TRIM2: variants seen among roughly 807,000 people sequenced by gnomAD.
TRIM2 encodes tripartite motif containing 2, also known as tripartite motif-containing protein 2.
Under a neutral mutation model 75.2 loss-of-function variants are expected in TRIM2, and 20 were observed. The ratio of observed to expected loss-of-function variants is 0.27; its 90% CI spans 0.19 to 0.39. The LOEUF is 0.39. Ranked by LOEUF, TRIM2 falls within the 10% of genes least tolerant of loss-of-function variation. TRIM2 has a pLI of 1.00. For missense variants in TRIM2, 660 were observed against 990.8 expected, an observed-to-expected ratio of 0.67 and a Z score of 4.48; for synonymous variants, 373 against 388.3, an observed-to-expected ratio of 0.96 and a Z score of 0.46.
rs746564907 is a variant in TRIM2, at chr4:153,296,017, C to T, written c.1491C>T (p.Asp497=). Residue 497 remains aspartate (D), a synonymous_variant, in exon 6 of 12, where the codon GAC becomes GAT. Coordinates refer to ENST00000338700, the MANE Select transcript of TRIM2 (RefSeq NM_015271.5). ...TGKRKENPIE[D]DLIFRVGTKG... ...AACGAAAAGAGAATCCCATCGAAGA[C>T]GATTTGATCTTTCGAGTGGGTAAGG... is the stretch of plus-strand genomic sequence containing the variant. The T allele has an allele frequency of 8.5e-6, 13 of 1,522,814 alleles. No homozygotes were observed. The highest frequency in any genetic ancestry group is 2.3e-5 in the East Asian group (1 of 44,158). The allele number at this position is 1,522,814 out of a possible 1,614,324, so 94.3% of individuals were successfully genotyped here.
At chr4:153,194,554 G>A (rs1268792724) in intron 1 of TRIM2, among the ~76,000 whole-genome samples, 1 of 152,156 alleles carries the variant, frequency 6.6e-6, no homozygotes. Context: ...CAGAAAACGG[G>A]TCAGTGGATG....
intron 11 of TRIM2, among the ~76,000 whole-genome samples, chr4:153,329,596 G>A (rs1046650458): frequency 6.6e-6 from 1 of 151,770 alleles, no homozygotes; most frequent in Non-Finnish European, 1.5e-5. Context: ...AGCACTTTGG[G>A]AGGCCAAGGC....
intron 8 of TRIM2, among the ~76,000 whole-genome samples, chr4:153,319,737 A>AT (rs1162299901): frequency 3.3e-5 from 5 of 151,828 alleles, no homozygotes; most frequent in African/African-American, 4.8e-5. Flanking sequence ...TCTCAAAAAA[A>AT]AAATATATAT....
At position 153,295,692 on chromosome 4, in the gene TRIM2, A is replaced by G. The variant is rs1393756687; in HGVS notation, c.1166A>G (p.Asn389Ser). The G allele has an allele frequency of 5.0e-6, 8 of 1,613,934 alleles. No homozygotes were observed. The highest frequency in any genetic ancestry group is 1.7e-5 in the Admixed American group (1 of 59,990). The change falls in exon 6 of 12, where the codon AAC (asparagine) becomes AGC (serine). Residue 389 changes from asparagine (N) to serine (S), a missense_variant. Transcript: ENST00000338700. This position sits in a 1 kb window ranked among gnomAD's most constrained non-coding sequence, Gnocchi z 7.2. ...DKDGELCKTG[N>S]AYLTAELSTP... Reference sequence around the variant, plus strand: ...GACGGTGAGCTGTGCAAAACCGGCAACGCCTACCTCACCGCCGAACTGAGC... The same window carrying G: ...GACGGTGAGCTGTGCAAAACCGGCAGCGCCTACCTCACCGCCGAACTGAGC...
intron 1 of TRIM2, among the ~76,000 whole-genome samples, chr4:153,193,411 A>G (rs199578743): frequency 3.6e-4 from 55 of 152,266 alleles, no homozygotes; most frequent in East Asian, 1.2e-3. Flanking sequence ...GATTACAGGC[A>G]TGAGCCACCG....
At position 153,294,498 on chromosome 4, in the gene TRIM2, T is replaced by A. The variant is rs772427601; in HGVS notation, c.786+13T>A. On this transcript the variant is annotated intron_variant, in intron 5 of 11. Coordinates refer to ENST00000338700, the MANE Select transcript of TRIM2 (RefSeq NM_015271.5). ...CCTCAAACACAAAGTAAGACCAGAA[T>A]CATTACAGATGTCCTGGAAGAGACA... 3 of 1,611,104 alleles carry A rather than the reference T, an allele frequency of 1.9e-6. No individual in the cohort carries two copies. The highest frequency in any genetic ancestry group is 1.7e-4 in the Middle Eastern group (1 of 6,052).
intron 1 of TRIM2, among the ~76,000 whole-genome samples, chr4:153,256,679 TG>T (rs1398595072): frequency 6.6e-6 from 1 of 152,254 alleles, no homozygotes; most frequent in Admixed American, 6.5e-5. Context: ...TTATGTTATT[TG>T]TCAAGTTTCT....
rs543938104 is a variant in TRIM2 at position 153,325,801 on chromosome 4, C to A, written c.2022+1653C>A. Among the ~76,000 whole-genome samples the A allele has an allele frequency of 3.9e-5, 6 of 152,314 alleles. No individual in the cohort carries two copies. The East Asian group carries it at 1.2e-3, about 29-fold the overall frequency. On this transcript the variant is annotated intron_variant, in intron 10 of 11. Transcript: ENST00000338700. ...ACTAAGCGCAACTGTGATCTCAGAG[C>A]CTTTCCTGTCCAGTGCTCCAGGCAA... is the stretch of plus-strand genomic sequence containing the variant.
At chr4:153,160,713 G>A (rs1323796462) in intron 1 of TRIM2, among the ~76,000 whole-genome samples, 1 of 152,166 alleles carries the variant, frequency 6.6e-6, no homozygotes, top group Admixed American at 6.5e-5. Flanking sequence ...TTATACTTCA[G>A]CCTCCCAAGT....
intron 1 of TRIM2, among the ~76,000 whole-genome samples, chr4:153,167,178 G>C (rs114643942): frequency 4.7e-4 from 72 of 152,340 alleles, no homozygotes; most frequent in African/African-American, 1.6e-3. Flanking sequence ...GTCCAGGGAG[G>C]TAAAGAACAC....
intron 11 of TRIM2, among the ~76,000 whole-genome samples, chr4:153,331,751 T>C (rs1771526270): frequency 6.7e-6 from 1 of 148,794 alleles, no homozygotes; most frequent in African/African-American, 2.5e-5. Flanking sequence ...TGACTTACTA[T>C]ATAGTTACCA....
intron 1 of TRIM2, among the ~76,000 whole-genome samples, chr4:153,181,648 C>G (rs932836482): frequency 6.6e-6 from 1 of 152,166 alleles, no homozygotes; most frequent in Non-Finnish European, 1.5e-5. Flanking sequence ...TAGACACGCT[C>G]AGAGCACAGG....
At chr4:153,238,009 G>A (rs1745481343) in intron 1 of TRIM2, among the ~76,000 whole-genome samples, 1 of 152,174 alleles carries the variant, frequency 6.6e-6, no homozygotes, top group Non-Finnish European at 1.5e-5. Context: ...TCAGGAGCCA[G>A]TTCTGAGTCC....
chr4:153,306,952 A>T (rs1167384076), intron 6 of TRIM2, among the ~76,000 whole-genome samples: 1 of 152,250 alleles, frequency 6.6e-6, no homozygotes, highest in Non-Finnish European at 1.5e-5. Context: ...TTTAAATTGC[A>T]CAATGATTCC....
chr4:153,163,493 A>ATATTTTTTTTTTTTTTTTTTTTTT (rs1390228832), intron 1 of TRIM2, among the ~76,000 whole-genome samples: 1 of 80,882 alleles, frequency 1.2e-5, no homozygotes, highest in African/African-American at 4.3e-5. Context: ...CTAGATTTAC[A>ATATTTTTTTTTTTTTTTTTTTTTT]TCTTTTTTTT....
At chr4:153,302,980 C>T (rs1042960747) in intron 6 of TRIM2, among the ~76,000 whole-genome samples, 1 of 152,158 alleles carries the variant, frequency 6.6e-6, no homozygotes, top group African/African-American at 2.4e-5. Context: ...CTCTCACCAC[C>T]GTCATGCTCG....
chr4:153,272,826 G>T (rs113607930), intron 2 of TRIM2, among the ~76,000 whole-genome samples: 3,703 of 132,890 alleles, frequency 0.028, 57 homozygotes, highest in South Asian at 0.05. Flanking sequence ...TTAAAATGGG[G>T]TTTTTTGTTT....
At chr4:153,193,075 T>C (rs1387845652) in intron 1 of TRIM2, among the ~76,000 whole-genome samples, 2 of 151,750 alleles carry the variant, frequency 1.3e-5, no homozygotes, top group Non-Finnish European at 2.9e-5. Flanking sequence ...GCTTTATTCC[T>C]CATCTCTTAG....
At chr4:153,183,160 C>T (rs1020586693) in intron 1 of TRIM2, among the ~76,000 whole-genome samples, 2 of 152,228 alleles carry the variant, frequency 1.3e-5, no homozygotes, top group Non-Finnish European at 2.9e-5. Flanking sequence ...TCCAAGGCCT[C>T]TCATGTCTTG....
Sources: gnomAD v4.1 joint callset for allele counts (sites outside exome capture counted in the v4.1 genomes callset) on GRCh38, gnomAD v4.1.1 for gene constraint, Gnocchi (gnomAD v3.1) non-coding constraint, MANE v1.5 for transcripts, NCBI Gene and HGNC (gene_info 2026-07-23, HGNC 2026-07-21) for gene names.